The following GRM8 variants were observed in gnomAD, a reference collection of about 807,000 sequenced individuals.
The protein encoded by GRM8 is metabotropic glutamate receptor 8.
In GRM8, 47 loss-of-function variants were observed where a neutral mutation model predicts 87.2. The ratio of observed to expected loss-of-function variants is 0.54; its 90% CI spans 0.43 to 0.69. The LOEUF (loss-of-function observed/expected upper bound fraction) is 0.69, where lower values mean the gene tolerates loss of function less well. GRM8 is among the 30% of genes least tolerant of loss of function. GRM8 has a pLI of 0.00. For missense variants in GRM8, 1,019 were observed against 1,139.2 expected, an observed-to-expected ratio of 0.89 and a Z score of 1.52; for synonymous variants, 396 against 404.5, an observed-to-expected ratio of 0.98 and a Z score of 0.25.
At chr7:126,564,580 A>C (rs2150968442) in intron 8 of GRM8, among the ~76,000 whole-genome samples, 1 of 152,318 alleles carries the variant, frequency 6.6e-6, no homozygotes, top group East Asian at 1.9e-4. Context: ...TGGAGATTAA[A>C]CCAGTAATAA....
chr7:127,112,977 C>G (rs1263662775), intron 2 of GRM8, among the ~76,000 whole-genome samples: 1 of 152,110 alleles, frequency 6.6e-6, no homozygotes, highest in Non-Finnish European at 1.5e-5. Context: ...ATATTCCAGA[C>G]AGGGAAAAAA....
intron 3 of GRM8, among the ~76,000 whole-genome samples, chr7:127,083,244 C>T (rs1823067431): frequency 6.6e-6 from 1 of 152,138 alleles, no homozygotes; most frequent in Non-Finnish European, 1.5e-5. Context: ...TAATTATTCA[C>T]CTAGGTGCCA....
chr7:126,572,932 T>C (rs1053343846), intron 8 of GRM8, among the ~76,000 whole-genome samples: 1 of 152,120 alleles, frequency 6.6e-6, no homozygotes, highest in Admixed American at 6.6e-5. Context: ...AGAGAATGCA[T>C]AACCACAAAC....
At chr7:127,015,634 G>A (rs1421774268) in intron 3 of GRM8, among the ~76,000 whole-genome samples, 2 of 152,074 alleles carry the variant, frequency 1.3e-5, no homozygotes, top group Non-Finnish European at 2.9e-5. Flanking sequence ...TCTAAAACAT[G>A]AATCTGGCTG....
intron 3 of GRM8, among the ~76,000 whole-genome samples, chr7:127,070,806 G>T (rs1262592985): frequency 1.3e-5 from 2 of 152,138 alleles, no homozygotes; most frequent in African/African-American, 4.8e-5. Flanking sequence ...TTTAGAACTG[G>T]TGACAGCAAA....
rs183382323 is a variant in GRM8, at chr7:127,119,196, C to G, written c.511-12484G>C. On this transcript the variant is annotated intron_variant, in intron 2 of 10. Coordinates refer to ENST00000339582, the MANE Select transcript of GRM8 (RefSeq NM_000845.3). ...AGGCGATGGGGAGCAGAGGCAAGAA[C>G]CAAGAAATGGGGCCAGGCGTGGTGG... Among the ~76,000 whole-genome samples, 11 of 152,120 alleles carry G rather than the reference C, an allele frequency of 7.2e-5. No individual in the cohort carries two copies. The East Asian group carries it at 1.4e-3, about 19-fold the overall frequency.
intron 2 of GRM8, among the ~76,000 whole-genome samples, chr7:127,155,275 T>C (rs1792650442): frequency 2.0e-5 from 3 of 152,302 alleles, no homozygotes; most frequent in Admixed American, 1.3e-4. Context: ...ATACATCCAG[T>C]TGGTCTGATC....
chr7:127,118,196 G>A (rs1308446444), intron 2 of GRM8: 1 of 152,128 alleles, frequency 6.6e-6, no homozygotes, highest in South Asian at 2.1e-4. Flanking sequence ...GAGGTTAAAC[G>A]TCTTCATTCG....
At chr7:127,082,344 G>T (rs17875007) in intron 3 of GRM8, among the ~76,000 whole-genome samples, 1 of 152,140 alleles carries the variant, frequency 6.6e-6, no homozygotes, top group African/African-American at 2.4e-5. Flanking sequence ...TCAGGGGTGG[G>T]CTTCCTTGTT....
intron 7 of GRM8, among the ~76,000 whole-genome samples, chr7:126,753,483 TAC>T (rs1189311177): frequency 4.0e-5 from 6 of 151,598 alleles, no homozygotes; most frequent in Non-Finnish European, 8.9e-5. Context: ...TATACACACA[TAC>T]ACACACATAT....
chr7:126,805,498 T>C (rs1457760042), intron 6 of GRM8, among the ~76,000 whole-genome samples: 1 of 152,208 alleles, frequency 6.6e-6, no homozygotes, highest in Non-Finnish European at 1.5e-5. Context: ...ATTCCCCCAG[T>C]ATTACTAGAG....
At chr7:126,507,145 C>T (rs1403212735) in intron 9 of GRM8, among the ~76,000 whole-genome samples, 1 of 151,462 alleles carries the variant, frequency 6.6e-6, no homozygotes, top group Non-Finnish European at 1.5e-5. Flanking sequence ...TCAATGAAGC[C>T]TTCCAAATCA....
chr7:126,561,565 T>C (rs1562957146), intron 8 of GRM8, among the ~76,000 whole-genome samples: 1 of 152,092 alleles, frequency 6.6e-6, no homozygotes, highest in Non-Finnish European at 1.5e-5. Context: ...GCAGCAGCTA[T>C]AGATTCTCCC....
intron 2 of GRM8, among the ~76,000 whole-genome samples, chr7:127,197,470 A>T (rs943180074): frequency 2.6e-5 from 4 of 152,170 alleles, no homozygotes; most frequent in Non-Finnish European, 4.4e-5. Context: ...CAAAGAAACA[A>T]TACTTTTTTC....
At chr7:127,173,568 G>C (rs952947872) in intron 2 of GRM8, among the ~76,000 whole-genome samples, 3 of 152,162 alleles carry the variant, frequency 2.0e-5, no homozygotes, top group African/African-American at 7.2e-5. Flanking sequence ...GGGTGAAACA[G>C]GGAACCACTG....
At chr7:126,444,965 G>A (rs534817073) in intron 10 of GRM8, among the ~76,000 whole-genome samples, 1 of 151,476 alleles carries the variant, frequency 6.6e-6, no homozygotes, top group Non-Finnish European at 1.5e-5. Flanking sequence ...GGGCAACAGA[G>A]TGAGACCCTG....
chr7:126,857,054 A>G (rs1797750563), intron 6 of GRM8, among the ~76,000 whole-genome samples: 1 of 152,186 alleles, frequency 6.6e-6, no homozygotes, highest in Non-Finnish European at 1.5e-5. Context: ...CAAAATAAAC[A>G]TTCTTTTCCA....
intron 2 of GRM8, among the ~76,000 whole-genome samples, chr7:127,137,850 C>G (rs1328222830): frequency 6.6e-6 from 1 of 152,128 alleles, no homozygotes; most frequent in Non-Finnish European, 1.5e-5. Context: ...CATTTACTGT[C>G]CTTTGTGAAA....
At chr7:126,638,193 T>C (rs142131965) in intron 7 of GRM8, among the ~76,000 whole-genome samples, 4 of 152,326 alleles carry the variant, frequency 2.6e-5, no homozygotes, top group African/African-American at 9.6e-5. Context: ...TTTTGTAAAC[T>C]GGGTTGCCTA....
Sources: allele counts gnomAD v4.1 joint callset (sites outside exome capture counted in the v4.1 genomes callset), GRCh38; gene constraint gnomAD v4.1.1; transcripts MANE v1.5; gene names NCBI Gene and HGNC (gene_info 2026-07-23, HGNC 2026-07-21).